The following CTNNA3 variants were observed in gnomAD, a reference collection of about 807,000 sequenced individuals.
CTNNA3 encodes the protein catenin alpha 3.
Under a neutral mutation model 95.7 loss-of-function variants are expected in CTNNA3, and 76 were observed. The observed-to-expected ratio is 0.79, with a 90% CI of 0.66 to 0.96. The LOEUF (loss-of-function observed/expected upper bound fraction) is 0.96. Among genes scored for constraint, CTNNA3 ranks in the 40% least tolerant of loss-of-function variants. CTNNA3 has a pLI of 0.00. For missense variants in CTNNA3, 1,191 were observed against 1,089.8 expected (o/e 1.09, Z -1.31); for synonymous variants, 431 against 374.4 (o/e 1.15, Z -1.74).
chr10:67,685,948 C>T lies in CTNNA3; in HGVS notation c.-6+10052G>A, dbSNP rs114571202. The stretch of plus-strand genomic sequence containing the variant: ...CTTCTCTTTGTCTATCTGTTTCTTC[C>T]TCTCTCTCTTTCCTTCTGTCTTTGA... On this transcript the variant is annotated intron_variant, in intron 1 of 17. Transcript: ENST00000433211. Among the ~76,000 whole-genome samples the T allele has an allele frequency of 4.7e-3, 714 of 151,958 alleles. 6 individuals carry two copies. Among genetic ancestry groups the T allele is most frequent in the African/African-American group, 0.016 (674 of 41,424 alleles).
At chr10:67,683,136 C>T (rs560179195) in intron 1 of CTNNA3, among the ~76,000 whole-genome samples, 26 of 152,304 alleles carry the variant, frequency 1.7e-4, no homozygotes, top group African/African-American at 4.6e-4. Context: ...TTTGTAATCC[C>T]ACATTGGGAA....
At chr10:66,549,432 AG>A (rs1167525586) in intron 10 of CTNNA3, among the ~76,000 whole-genome samples, 3 of 151,966 alleles carry the variant, frequency 2.0e-5, no homozygotes, top group Non-Finnish European at 2.9e-5. Flanking sequence ...GAATTTTGTC[AG>A]TTTTGTTGGT....
intron 11 of CTNNA3, among the ~76,000 whole-genome samples, chr10:66,411,701 G>A (rs1301150181): frequency 1.3e-5 from 2 of 152,206 alleles, no homozygotes; most frequent in African/African-American, 4.8e-5. Flanking sequence ...TTCAGACAGT[G>A]ATAAATACTG....
At chr10:67,620,512 A>G (rs1843794160) in intron 2 of CTNNA3, among the ~76,000 whole-genome samples, 1 of 152,156 alleles carries the variant, frequency 6.6e-6, no homozygotes, top group South Asian at 2.1e-4. Flanking sequence ...ACATCAGTTT[A>G]CCATCTTATT....
chr10:66,718,139 C>CTTTTTTT (rs5785781), intron 9 of CTNNA3, among the ~76,000 whole-genome samples: 2 of 149,776 alleles, frequency 1.3e-5, no homozygotes, highest in African/African-American at 2.4e-5. Context: ...CTGTATTAAC[C>CTTTTTTT]TTTTTTTTTT....
At chr10:67,097,745 C>G in intron 7 of CTNNA3, 1 of 1,612,526 alleles carries the variant, frequency 6.2e-7, no homozygotes, top group Non-Finnish European at 8.5e-7. Flanking sequence ...TGGACCTGAG[C>G]ACAATCACAA....
rs112413597 is a variant in CTNNA3 at position 67,741,552 on chromosome 10, A to C, written c.-2+21882T>G. 6.1e-4 allele frequency among the ~76,000 whole-genome samples: 92 copies of C among 151,284 alleles called. 4 individuals carry two copies. Among genetic ancestry groups the C allele is most frequent in the African/African-American group, 2.1e-3 (88 of 41,404 alleles). ...AACTGGTACCAGCTACTGCAAAAAC[A>C]TGCCAAATTCTAAAGACCATCGAGG... On this transcript the variant is annotated intron_variant, in intron 1 of 17. Coordinates refer to the CTNNA3 transcript ENST00000684154.
rs571592373 is a variant in CTNNA3, at chr10:66,018,015, T to C, written c.2160-29218A>G. ...ACTATCTTTGCATCATCTTAATCCT[T>C]TGGCCATAAAAGAAAATGATTGGTC... On this transcript the variant is annotated intron_variant, in intron 15 of 17. Transcript: ENST00000433211. Among the ~76,000 whole-genome samples, 6 of 152,140 alleles carry C rather than the reference T, an allele frequency of 3.9e-5. No homozygotes were observed. In the East Asian group the frequency reaches 1.2e-3, roughly 29 times the overall value.
chr10:66,558,019 C>A (rs945188465), intron 10 of CTNNA3, among the ~76,000 whole-genome samples: 1 of 152,082 alleles, frequency 6.6e-6, no homozygotes, highest in Non-Finnish European at 1.5e-5. Context: ...CAAGGACAAT[C>A]ATACTCCTTA....
intron 5 of CTNNA3, among the ~76,000 whole-genome samples, chr10:67,298,038 A>G (rs1263160282): frequency 6.6e-6 from 1 of 152,224 alleles, no homozygotes; most frequent in Non-Finnish European, 1.5e-5. Flanking sequence ...GAATGGTAAG[A>G]TGTACAAGTA....
intron 15 of CTNNA3, among the ~76,000 whole-genome samples, chr10:66,008,651 T>C (rs1459297932): frequency 6.6e-6 from 1 of 152,222 alleles, no homozygotes; most frequent in Admixed American, 6.5e-5. Context: ...TACTAAGTTA[T>C]GTATAAGATG....
Position 67,459,086 on chromosome 10 carries a change from G to T in CTNNA3, c.579+62756C>A, listed in dbSNP as rs78935122. 5.2e-3 allele frequency among the ~76,000 whole-genome samples: 791 copies of T among 152,254 alleles called. 4 individuals carry two copies. Among genetic ancestry groups the T allele is most frequent in the Admixed American group, 7.9e-3 (120 of 15,280 alleles). On this transcript the variant is annotated intron_variant, in intron 5 of 17. Transcript: ENST00000433211. ...GAAAAGAGCACCACTATTAATATAT[G>T]AATATTGAGCACTATGTCTGTTTTA...
chr10:65,927,151 T>C (rs757996943), intron 17 of CTNNA3, among the ~76,000 whole-genome samples: 30 of 152,146 alleles, frequency 2.0e-4, no homozygotes, highest in African/African-American at 2.7e-4. Context: ...GGGAGAATGA[T>C]TTCAATATGT....
chr10:67,124,913 C>A (rs1361825022), intron 7 of CTNNA3, among the ~76,000 whole-genome samples: 4 of 152,068 alleles, frequency 2.6e-5, no homozygotes, highest in African/African-American at 7.2e-5. Context: ...GCTAAAGGGG[C>A]AGTAATAATT....
chr10:66,680,563 A>G (rs1369018217), intron 9 of CTNNA3, among the ~76,000 whole-genome samples: 1 of 152,148 alleles, frequency 6.6e-6, no homozygotes, highest in African/African-American at 2.4e-5. Context: ...TACTTGGGAT[A>G]TGGGATGTAT....
At chr10:67,666,339 C>G (rs1045497431) in intron 1 of CTNNA3, among the ~76,000 whole-genome samples, 4 of 152,054 alleles carry the variant, frequency 2.6e-5, no homozygotes, top group African/African-American at 9.7e-5. Flanking sequence ...CAGAGATTCA[C>G]GTATTTTCCC....
chr10:67,150,201 CT>C lies in CTNNA3; in HGVS notation c.1047+30115del, dbSNP rs528756162. 1.7e-3 allele frequency among the ~76,000 whole-genome samples: 252 copies of C among 152,130 alleles called. 1 individual carries two copies. Among genetic ancestry groups the C allele is most frequent in the Middle Eastern group, 6.9e-3 (2 of 290 alleles). On this transcript the variant is annotated intron_variant, in intron 7 of 17. Coordinates refer to ENST00000433211, the MANE Select transcript of CTNNA3 (RefSeq NM_013266.4). ...TATCAAGCAATCTCTCTTTAATAAGCTAAACTTATTAATGCTTAAATGTGTA... is the reference window on the plus strand; with the variant it reads ...TATCAAGCAATCTCTCTTTAATAAGCAAACTTATTAATGCTTAAATGTGTA...
intron 15 of CTNNA3, among the ~76,000 whole-genome samples, chr10:66,050,608 TATA>T (rs879513982): frequency 3.3e-5 from 5 of 152,150 alleles, no homozygotes; most frequent in African/African-American, 4.8e-5. Flanking sequence ...CTTAGATTTT[TATA>T]ATATTAAGTT....
chr10:67,182,714 T>C (rs965690943), intron 6 of CTNNA3, among the ~76,000 whole-genome samples: 3 of 152,170 alleles, frequency 2.0e-5, no homozygotes, highest in Admixed American at 1.3e-4. Flanking sequence ...AAAGAGCTTC[T>C]GCACAGCAAA....
Sources: allele counts gnomAD v4.1 joint callset (sites outside exome capture counted in the v4.1 genomes callset), GRCh38; gene constraint gnomAD v4.1.1; transcripts MANE v1.5; gene names NCBI Gene and HGNC (gene_info 2026-07-23, HGNC 2026-07-21).